Variants in FEZ2 observed in about 807,000 individuals in gnomAD.
The protein encoded by FEZ2 is fasciculation and elongation protein zeta-2.
A neutral mutation model predicts 40.4 loss-of-function variants in FEZ2; 51 were observed. The observed-to-expected ratio is 1.26, with a 90% CI of 1.01 to 1.59. The LOEUF (loss-of-function observed/expected upper bound fraction) is 1.59. Among genes scored for constraint, FEZ2 ranks in the 40% most tolerant of loss-of-function variants. FEZ2 has a pLI of 0.00. For synonymous variants in FEZ2, 242 were observed against 172.0 expected, an observed-to-expected ratio of 1.41 and a Z score of -3.18; for missense variants, 640 against 438.3, an observed-to-expected ratio of 1.46 and a Z score of -4.11.
chr2:36,555,662 C>T, intron 7 of FEZ2, 21 bp downstream of exon 7: 1 of 1,485,672 alleles, frequency 6.7e-7, no homozygotes, highest in South Asian at 1.2e-5. Context: ...GCCATCGCAC[C>T]TATACCATTA....
intron 5 of FEZ2, among the ~76,000 whole-genome samples, chr2:36,571,707 T>C (rs1173445612): frequency 2.0e-5 from 3 of 151,266 alleles, no homozygotes; most frequent in Non-Finnish European, 4.4e-5. Context: ...CACCACTGCT[T>C]AGATAAAGGG....
At position 36,578,677 on chromosome 2, in the gene FEZ2, C is replaced by A. The variant is rs760130750; in HGVS notation, c.823G>T (p.Glu275Ter). The change falls in exon 5 of 8, where the codon GAA becomes TAA. Residue 275 changes from glutamate to a stop codon, truncating the protein, a stop_gained. Transcript: ENST00000405912. LOFTEE classifies it high-confidence loss of function. Reference protein sequence around the residue: ...EVQNKQKEHKETAKKKKKLKN... With the variant: ...EVQNKQKEHK Reference sequence around the variant, plus strand: ...AGTTTCTTTTTCTTTTTTGCTGTTTCTTTGTGCTCTTTCTGTTTGTTTTGC... The same window carrying A: ...AGTTTCTTTTTCTTTTTTGCTGTTTATTTGTGCTCTTTCTGTTTGTTTTGC... 6.2e-7 allele frequency: 1 copy of A among 1,613,778 alleles called. No homozygotes were observed. The highest frequency in any genetic ancestry group is 8.5e-7 in the Non-Finnish European group (1 of 1,179,824).
chr2:36,585,395 C>T (rs1474131095), intron 2 of FEZ2, among the ~76,000 whole-genome samples: 2 of 152,034 alleles, frequency 1.3e-5, no homozygotes, highest in African/African-American at 2.4e-5. Context: ...AGAGAATTCT[C>T]GTAATGATAG....
rs1188702956 is a variant in FEZ2, at chr2:36,578,806, T to G, written c.694A>C (p.Ile232Leu). Reference sequence around the variant, plus strand: ...ACCAGCTCCTCAGAGTACTCCTTAATGGCAGTCTCAATTTCTTCCAGGATT... The same window carrying G: ...ACCAGCTCCTCAGAGTACTCCTTAAGGGCAGTCTCAATTTCTTCCAGGATT... The part of the protein sequence containing the change: ...NEILEEIETA[I>L]KEYSEELVQQ... The change falls in exon 5 of 8, where the codon ATT becomes CTT. Residue 232 changes from isoleucine to leucine, a missense_variant. By Grantham distance (5) the Ile-to-Leu change is conservative (BLOSUM62 2). Transcript: ENST00000405912. 2 of 1,613,646 alleles carry G rather than the reference T, an allele frequency of 1.2e-6. No individual in the cohort carries two copies. The highest frequency in any genetic ancestry group is 8.5e-7 in the Non-Finnish European group (1 of 1,179,738).
intron 5 of FEZ2, among the ~76,000 whole-genome samples, chr2:36,576,785 T>C (rs1668584513): frequency 6.6e-5 from 10 of 152,230 alleles, no homozygotes; most frequent in Admixed American, 6.5e-4. Flanking sequence ...CCAAATCCAT[T>C]TCTCAATATA....
At position 36,583,420 on chromosome 2, in the gene FEZ2, T is replaced by C. The variant is rs1460898433; in HGVS notation, c.425A>G (p.Glu142Gly). Residue 142 changes from glutamate (E) to glycine (G), a missense_variant, in exon 3 of 8, where the codon GAA (glutamate) becomes GGA (glycine). Transcript: ENST00000405912. ...GATGATTGAGTGCATATCCAGCTGT[T>C]CTCTCAGCTCTTCATCATCTGATGT... The part of the protein sequence containing the change: ...FDTSDDEELR[E>G]QLDMHSIIVS... 2 of 1,608,956 alleles carry C rather than the reference T, an allele frequency of 1.2e-6. No homozygotes were observed. The highest frequency in any genetic ancestry group is 3.3e-5 in the Admixed American group (2 of 59,992).
intron 2 of FEZ2, among the ~76,000 whole-genome samples, chr2:36,588,495 T>C (rs1668972554): frequency 6.6e-6 from 1 of 152,178 alleles, no homozygotes; most frequent in Non-Finnish European, 1.5e-5. Context: ...CAGCAGTCCC[T>C]CGGTATCCAA....
intron 2 of FEZ2, among the ~76,000 whole-genome samples, chr2:36,587,708 T>C (rs773144133): frequency 7.2e-5 from 11 of 152,088 alleles, no homozygotes; most frequent in Non-Finnish European, 1.3e-4. Context: ...ATCTAAAGAA[T>C]GCTTTCAAAG....
intron 5 of FEZ2, among the ~76,000 whole-genome samples, chr2:36,566,362 G>T (rs1351998793): frequency 6.6e-6 from 1 of 150,496 alleles, no homozygotes; most frequent in Non-Finnish European, 1.5e-5. Context: ...AAGTAATCAA[G>T]ATATTTTTAA....
intron 3 of FEZ2, among the ~76,000 whole-genome samples, chr2:36,583,098 C>CA (rs1200676447): frequency 2.6e-5 from 4 of 152,148 alleles, no homozygotes; most frequent in African/African-American, 9.7e-5. Flanking sequence ...GGTTAAGCAA[C>CA]AACCTTTCCT....
intron 1 of FEZ2, among the ~76,000 whole-genome samples, chr2:36,592,834 T>C (rs749324707): frequency 6.6e-6 from 1 of 151,586 alleles, no homozygotes; most frequent in Non-Finnish European, 1.5e-5. Context: ...ATAAATAAAA[T>C]AAAAAATAAA....
rs767481735 is a variant in FEZ2, at chr2:36,588,176, G to C, written c.375+2727C>G. Among the ~76,000 whole-genome samples, 10 of 152,204 alleles carry C rather than the reference G, an allele frequency of 6.6e-5. No homozygotes were observed. In the South Asian group the frequency reaches 2.1e-3, roughly 32 times the overall value. The stretch of plus-strand genomic sequence containing the variant: ...CCCAAGTATCTGGGATTACAGGCAT[G>C]CGCCACCACGCCTGGCTAATTTTGT... On this transcript the variant is annotated intron_variant, in intron 2 of 7. Coordinates refer to ENST00000405912, the MANE Select transcript of FEZ2 (RefSeq NM_005102.3).
intron 5 of FEZ2, among the ~76,000 whole-genome samples, chr2:36,576,279 T>TA (rs1164533181): frequency 6.6e-6 from 1 of 151,838 alleles, no homozygotes; most frequent in Non-Finnish European, 1.5e-5. Flanking sequence ...CTTTTTATTT[T>TA]TTTTTTTTGA....
chr2:36,597,878 C>A lies in FEZ2; in HGVS notation c.265G>T (p.Glu89Ter). 3.7e-6 allele frequency: 5 copies of A among 1,366,864 alleles called. No individual in the cohort carries two copies. Among genetic ancestry groups the A allele is most frequent in the Non-Finnish European group, 4.7e-6 (5 of 1,066,228 alleles). 84.7% of individuals were successfully genotyped at this position (1,366,864 alleles called of 1,614,324 possible). ...TCCCGGCCGGGGCCCCGCACTCACT[C>A]GTCCCCCTGCAGGAGGCTGCGCTCC... ...ITERSLLQGD[E>*]IWNALTDNYG... The change falls in exon 1 of 8, where the codon GAG (glutamate) becomes TAG (stop). Residue 89 changes from glutamate to a stop codon, truncating the protein, a stop_gained and splice_region_variant. Transcript: ENST00000405912. LOFTEE classifies it high-confidence loss of function.
chr2:36,571,668 GTA>G (rs1018256769), intron 5 of FEZ2, among the ~76,000 whole-genome samples: 1 of 151,358 alleles, frequency 6.6e-6, no homozygotes, highest in African/African-American at 2.4e-5. Context: ...AAAAAAGAAT[GTA>G]TGTCAGGTAG....
intron 5 of FEZ2, 35 bp downstream of exon 5, chr2:36,578,562 C>G (rs773625708): frequency 6.9e-6 from 11 of 1,585,370 alleles, no homozygotes; most frequent in Non-Finnish European, 9.4e-6. Context: ...GAACCTGTTT[C>G]CAGTGTTCGA....
intron 5 of FEZ2, among the ~76,000 whole-genome samples, chr2:36,559,610 C>A (rs1250152553): frequency 6.6e-6 from 1 of 152,090 alleles, no homozygotes; most frequent in African/African-American, 2.4e-5. Context: ...CAGGTGATGC[C>A]CAATTGTATA....
intron 7 of FEZ2, chr2:36,554,171 G>C (rs1162923581): frequency 6.4e-6 from 3 of 470,920 alleles, no homozygotes; most frequent in South Asian, 1.5e-5. Context: ...TGGGCTTACA[G>C]ACAGGAGCCA....
intron 4 of FEZ2, among the ~76,000 whole-genome samples, 183 bp downstream of exon 4, chr2:36,581,107 C>A (rs966926585): frequency 6.6e-6 from 1 of 152,104 alleles, no homozygotes; most frequent in African/African-American, 2.4e-5. Context: ...TGAAATCATG[C>A]CACTTCATTC....
Sources: allele counts gnomAD v4.1 joint callset (sites outside exome capture counted in the v4.1 genomes callset), GRCh38; gene constraint gnomAD v4.1.1; transcripts MANE v1.5; gene names NCBI Gene and HGNC (gene_info 2026-07-23, HGNC 2026-07-21).